The following GABBR2 variants were observed in gnomAD, a reference collection of about 807,000 sequenced individuals.
GABBR2 encodes gamma-aminobutyric acid type B receptor subunit 2.
In GABBR2, 23 loss-of-function variants were observed where a neutral mutation model predicts 105.6. The observed-to-expected ratio is 0.22, with a 90% CI of 0.16 to 0.31. GABBR2 has a LOEUF of 0.31. Among genes scored for constraint, GABBR2 ranks in the 10% least tolerant of loss-of-function variants. The probability of loss-of-function intolerance (pLI) is 1.00; values close to 1 mark genes in which losing one functional copy is unlikely to be tolerated. For missense variants in GABBR2, 734 were observed against 1,245.5 expected (o/e 0.59, Z 6.18); for synonymous variants, 478 against 499.7 (o/e 0.96, Z 0.58).
chr9:98,310,428 AGTAGAGATGGGGTTTTGCCACGTTG>A (rs1830617690), intron 14 of GABBR2, among the ~76,000 whole-genome samples: 1 of 152,030 alleles, frequency 6.6e-6, no homozygotes, highest in East Asian at 1.9e-4. Flanking sequence ...TTGTATTTTT[AGTAGAGATGGGGTTTTGCCACGTTG>A]GTCAGGCTGG....
At chr9:98,330,141 G>C (rs909428067) in intron 13 of GABBR2, among the ~76,000 whole-genome samples, 2 of 152,028 alleles carry the variant, frequency 1.3e-5, no homozygotes, top group Non-Finnish European at 2.9e-5. Context: ...ACTTTCTATC[G>C]GCAAGCTGCC....
intron 6 of GABBR2, among the ~76,000 whole-genome samples, chr9:98,458,982 C>T (rs187783813): frequency 6.6e-6 from 1 of 152,342 alleles, no homozygotes; most frequent in African/African-American, 2.4e-5. Context: ...GAACTTTCCA[C>T]TTAGGGAATG....
At chr9:98,385,900 A>T in intron 10 of GABBR2, 128 bp from the exon 11 acceptor site, 1 of 720,886 alleles carries the variant, frequency 1.4e-6, no homozygotes, top group Non-Finnish European at 2.3e-6. Context: ...AGAAACAGAA[A>T]TACGCCATGG....
At chr9:98,361,383 C>T (rs949371820) in intron 13 of GABBR2, among the ~76,000 whole-genome samples, 33 of 136,348 alleles carry the variant, frequency 2.4e-4, no homozygotes, top group African/African-American at 1.0e-3. Context: ...TCGCTCTTAT[C>T]ATCGTTGCTT....
chr9:98,318,275 G>A (rs1343431870), intron 13 of GABBR2, among the ~76,000 whole-genome samples: 3 of 152,332 alleles, frequency 2.0e-5, no homozygotes, highest in Non-Finnish European at 2.9e-5. Flanking sequence ...TGATCCAGGG[G>A]CCACCCTTTG....
intron 18 of GABBR2, among the ~76,000 whole-genome samples, chr9:98,293,363 T>C (rs1291243328): frequency 1.3e-5 from 2 of 152,204 alleles, no homozygotes; most frequent in Non-Finnish European, 2.9e-5. Flanking sequence ...CTAGATAGAA[T>C]GGAAGCTCTA....
intron 4 of GABBR2, among the ~76,000 whole-genome samples, chr9:98,483,937 G>A (rs551789795): frequency 6.6e-6 from 1 of 152,194 alleles, no homozygotes; most frequent in African/African-American, 2.4e-5. Context: ...AGAACAGGGC[G>A]CTACACATAT....
At chr9:98,350,383 G>A (rs577671684) in intron 13 of GABBR2, among the ~76,000 whole-genome samples, 136 of 151,880 alleles carry the variant, frequency 9.0e-4, no homozygotes, top group Non-Finnish European at 1.5e-3. Context: ...ATTGCTATAC[G>A]TTTCCCTCTT....
chr9:98,542,991 T>C (rs1828333536), intron 2 of GABBR2, among the ~76,000 whole-genome samples: 1 of 152,230 alleles, frequency 6.6e-6, no homozygotes, highest in African/African-American at 2.4e-5. Context: ...ACTCAGGCTA[T>C]TATAGTTGCT....
At chr9:98,474,863 C>T (rs1294074820) in intron 5 of GABBR2, among the ~76,000 whole-genome samples, 1 of 152,128 alleles carries the variant, frequency 6.6e-6, no homozygotes, top group Non-Finnish European at 1.5e-5. Context: ...CTCTCCTCAT[C>T]CCAAGTCCAG....
At chr9:98,395,833 C>A (rs1287115970) in intron 8 of GABBR2, among the ~76,000 whole-genome samples, 1 of 151,966 alleles carries the variant, frequency 6.6e-6, no homozygotes, top group Non-Finnish European at 1.5e-5. Context: ...ATAGGGCCCC[C>A]AGGGAAGAGC....
intron 1 of GABBR2, among the ~76,000 whole-genome samples, chr9:98,624,752 G>A (rs1419001223): frequency 1.3e-5 from 2 of 152,200 alleles, no homozygotes; most frequent in Non-Finnish European, 2.9e-5. Context: ...GCTGCAGAAC[G>A]CTGAGGCCGG....
At chr9:98,680,025 A>G (rs117838221) in intron 1 of GABBR2, among the ~76,000 whole-genome samples, 5,942 of 152,318 alleles carry the variant, frequency 0.039, 146 homozygotes, top group South Asian at 0.096. Context: ...ATACCTTTGT[A>G]TATTTCCTCT....
chr9:98,580,061 C>A (rs748017837), intron 1 of GABBR2, among the ~76,000 whole-genome samples: 9 of 152,170 alleles, frequency 5.9e-5, no homozygotes, highest in African/African-American at 9.7e-5. Context: ...CCACTCAGTC[C>A]AGCTGCTGAC....
chr9:98,406,718 G>A (rs183317427), intron 7 of GABBR2, among the ~76,000 whole-genome samples: 15 of 152,316 alleles, frequency 9.8e-5, no homozygotes, highest in African/African-American at 1.4e-4. Context: ...TTGAGCCAGC[G>A]AGACCTGACT....
At chr9:98,541,678 C>T (rs889958378) in intron 3 of GABBR2, among the ~76,000 whole-genome samples, 195 bp downstream of exon 3, 1 of 152,216 alleles carries the variant, frequency 6.6e-6, no homozygotes, top group Non-Finnish European at 1.5e-5. Context: ...TGATGGTTTC[C>T]ACCAGTCCTA....
intron 1 of GABBR2, among the ~76,000 whole-genome samples, chr9:98,651,012 G>T (rs1353693414): frequency 6.6e-6 from 1 of 152,086 alleles, no homozygotes; most frequent in African/African-American, 2.4e-5. Context: ...GTGATGGTTG[G>T]CCACAATGTG....
chr9:98,412,413 T>C (rs1388649674), intron 7 of GABBR2, among the ~76,000 whole-genome samples: 1 of 152,206 alleles, frequency 6.6e-6, no homozygotes, highest in Non-Finnish European at 1.5e-5. Flanking sequence ...GGTGTGAGCA[T>C]GCATCCTCAC....
chr9:98,508,511 T>G (rs1220334158), intron 3 of GABBR2, among the ~76,000 whole-genome samples: 1 of 152,184 alleles, frequency 6.6e-6, no homozygotes, highest in Non-Finnish European at 1.5e-5. Context: ...TTCCCTTTCC[T>G]AGTCAAAGAA....
Sources: allele counts gnomAD v4.1 joint callset (sites outside exome capture counted in the v4.1 genomes callset), GRCh38; gene constraint gnomAD v4.1.1; transcripts MANE v1.5; gene names NCBI Gene and HGNC (gene_info 2026-07-23, HGNC 2026-07-21).